TENM3: variants seen among roughly 807,000 people sequenced by gnomAD.
TENM3 encodes the protein teneurin transmembrane protein 3, also known as teneurin-3.
In TENM3, 63 loss-of-function variants were observed where a neutral mutation model predicts 255.1. The observed-to-expected ratio is 0.25, with a 90% confidence interval of 0.20 to 0.30. The LOEUF is 0.30. Ranked by LOEUF, TENM3 falls within the 10% of genes least tolerant of loss-of-function variation. TENM3 has a pLI of 1.00. For synonymous variants in TENM3, 1,306 were observed against 1,322.3 expected, an observed-to-expected ratio of 0.99 and a Z score of 0.27; for missense variants, 2,929 against 3,461.1, an observed-to-expected ratio of 0.85 and a Z score of 3.86.
At chr4:182,521,279 C>T (rs980504095) in intron 3 of TENM3, among the ~76,000 whole-genome samples, 13 of 152,156 alleles carry the variant, frequency 8.5e-5, no homozygotes, top group Non-Finnish European at 1.6e-4. Context: ...GAAGATCTAT[C>T]CCATCTTATC....
chr4:181,654,457 C>T, the TENM3 span, among the ~76,000 whole-genome samples: 19 of 152,120 alleles, frequency 1.2e-4, no homozygotes, highest in African/African-American at 3.6e-4. Context: ...AAGTTCATTT[C>T]GGCTAAACCA....
At chr4:182,737,896 C>G (rs979361782) in intron 17 of TENM3, among the ~76,000 whole-genome samples, 4 of 152,060 alleles carry the variant, frequency 2.6e-5, no homozygotes, top group African/African-American at 9.7e-5. Flanking sequence ...ATTCATATTA[C>G]TGCTAGTTTG....
the TENM3 span, among the ~76,000 whole-genome samples, chr4:181,570,086 C>T: frequency 7.3e-6 from 1 of 136,478 alleles, no homozygotes; most frequent in Non-Finnish European, 1.5e-5. Flanking sequence ...TCGCCCAGGT[C>T]GGACTGCGGA....
At chr4:181,623,828 T>A in the TENM3 span, among the ~76,000 whole-genome samples, 1 of 152,220 alleles carries the variant, frequency 6.6e-6, no homozygotes, top group Non-Finnish European at 1.5e-5. Context: ...AGCAATTTTA[T>A]GTTTGAGACA....
intron 3 of TENM3, among the ~76,000 whole-genome samples, 167 bp downstream of exon 3, chr4:182,347,096 C>G (rs1442180363): frequency 6.6e-6 from 1 of 151,382 alleles, no homozygotes; most frequent in African/African-American, 2.4e-5. Context: ...CAAGAAATGT[C>G]CTTGAATAAT....
At chr4:181,575,618 T>C in the TENM3 span, among the ~76,000 whole-genome samples, 1 of 152,218 alleles carries the variant, frequency 6.6e-6, no homozygotes, top group South Asian at 2.1e-4. Context: ...TTATTTTAAT[T>C]GGTGAATTTG....
At chr4:181,499,460 G>A in the TENM3 span, among the ~76,000 whole-genome samples, 1 of 152,170 alleles carries the variant, frequency 6.6e-6, no homozygotes, top group Non-Finnish European at 1.5e-5. Context: ...CCATGCCATC[G>A]TTGTTATCTT....
At chr4:182,417,694 G>T (rs1301860738) in intron 3 of TENM3, among the ~76,000 whole-genome samples, 2 of 152,104 alleles carry the variant, frequency 1.3e-5, no homozygotes, top group East Asian at 1.9e-4. Flanking sequence ...TAGGTATTAG[G>T]ACAACAAAAG....
chr4:181,468,265 C>T, the TENM3 span, among the ~76,000 whole-genome samples: 4 of 152,070 alleles, frequency 2.6e-5, no homozygotes, highest in Non-Finnish European at 5.9e-5. Context: ...CAGAGTGAGG[C>T]CCTCTCTCAA....
the TENM3 span, among the ~76,000 whole-genome samples, chr4:181,707,832 T>C: frequency 6.6e-6 from 1 of 152,230 alleles, no homozygotes; most frequent in African/African-American, 2.4e-5. Context: ...TTAGCATATA[T>C]AGTTTGCTAT....
At chr4:181,751,046 G>A in the TENM3 span, among the ~76,000 whole-genome samples, 2 of 152,130 alleles carry the variant, frequency 1.3e-5, no homozygotes, top group East Asian at 3.8e-4. Flanking sequence ...CTGGCTGCTT[G>A]TTCAAACTGG....
chr4:181,905,328 G>A, the TENM3 span, among the ~76,000 whole-genome samples: 1 of 152,132 alleles, frequency 6.6e-6, no homozygotes, highest in Non-Finnish European at 1.5e-5. Context: ...ATCTACAACA[G>A]TGCCAGACAC....
At chr4:182,731,178 T>A (rs1360526106) in intron 16 of TENM3, 39 bp downstream of exon 16, 1 of 1,592,954 alleles carries the variant, frequency 6.3e-7, no homozygotes, top group African/African-American at 1.3e-5. Context: ...AAATACAAGA[T>A]CTTCAGATCA....
At chr4:181,693,462 T>G in the TENM3 span, among the ~76,000 whole-genome samples, 116,237 of 152,042 alleles carry the variant, frequency 0.76, 45,119 homozygotes, top group Admixed American at 0.87. Flanking sequence ...GAGTGCCTGG[T>G]GCATTGTCAT....
At chr4:181,752,759 A>G in the TENM3 span, among the ~76,000 whole-genome samples, 2 of 152,134 alleles carry the variant, frequency 1.3e-5, no homozygotes, top group Admixed American at 1.3e-4. Flanking sequence ...AGTTGGTAGG[A>G]ATTTCTATTT....
chr4:182,294,441 T>C (rs1456938287), intron 1 of TENM3, among the ~76,000 whole-genome samples: 2 of 152,054 alleles, frequency 1.3e-5, no homozygotes, highest in Non-Finnish European at 2.9e-5. Context: ...TTTTTTTTTT[T>C]TAAGTGGGAA....
At chr4:181,796,607 G>T in the TENM3 span, among the ~76,000 whole-genome samples, 1 of 152,164 alleles carries the variant, frequency 6.6e-6, no homozygotes, top group African/African-American at 2.4e-5. Context: ...GAGGGGTGGG[G>T]CCCACACATG....
At chr4:182,458,158 A>G (rs535334353) in intron 3 of TENM3, among the ~76,000 whole-genome samples, 13 of 152,314 alleles carry the variant, frequency 8.5e-5, no homozygotes, top group Middle Eastern at 3.4e-3. Flanking sequence ...GTGATCATCT[A>G]TGGTATAGCT....
intron 22 of TENM3, among the ~76,000 whole-genome samples, chr4:182,765,879 A>G (rs1195061766): frequency 1.3e-5 from 2 of 152,184 alleles, no homozygotes; most frequent in Non-Finnish European, 2.9e-5. Context: ...GTGTATTCCA[A>G]AAGAAATAAC....
Sources: gnomAD v4.1 joint callset for allele counts (sites outside exome capture counted in the v4.1 genomes callset) on GRCh38, gnomAD v4.1.1 for gene constraint, MANE v1.5 for transcripts, NCBI Gene and HGNC (gene_info 2026-07-23, HGNC 2026-07-21) for gene names.